The following SPATA17 variants were observed in gnomAD, a reference collection of about 807,000 sequenced individuals.
The protein encoded by SPATA17 is spermatogenesis associated 17, also known as spermatogenesis-associated protein 17.
A neutral mutation model predicts 62.2 loss-of-function variants in SPATA17; 53 were observed. That is an observed-to-expected ratio of 0.85 (90% CI 0.68 to 1.07). The LOEUF (loss-of-function observed/expected upper bound fraction) is 1.07. Among genes scored for constraint, SPATA17 ranks in the 50% least tolerant of loss-of-function variants. The pLI, the probability that SPATA17 is intolerant of heterozygous loss-of-function variation, is 0.00. For synonymous variants in SPATA17, 146 were observed against 146.8 expected (o/e 0.99, Z 0.04); for missense variants, 466 against 425.5 (o/e 1.10, Z -0.84).
chr1:217,743,908 C>A (rs1289486199), intron 6 of SPATA17, among the ~76,000 whole-genome samples: 1 of 151,906 alleles, frequency 6.6e-6, no homozygotes, highest in African/African-American at 2.4e-5. Flanking sequence ...CATGCCTGGC[C>A]TAAAATAGTG....
intron 4 of SPATA17, among the ~76,000 whole-genome samples, chr1:217,678,488 A>T (rs1571725180): frequency 6.6e-6 from 1 of 152,180 alleles, no homozygotes; most frequent in Non-Finnish European, 1.5e-5. Flanking sequence ...GATTACAGGC[A>T]TGAGCCACCG....
chr1:217,663,338 G>A (rs995337271), intron 3 of SPATA17, among the ~76,000 whole-genome samples: 12 of 151,754 alleles, frequency 7.9e-5, no homozygotes, highest in Admixed American at 5.9e-4. Flanking sequence ...CCAGCCACTC[G>A]GGAGGCTGAG....
At chr1:217,816,363 A>G (rs1228562579) in intron 9 of SPATA17, among the ~76,000 whole-genome samples, 4 of 151,652 alleles carry the variant, frequency 2.6e-5, no homozygotes, top group Admixed American at 2.0e-4. Flanking sequence ...AAAGACTATT[A>G]CCTTAATGTG....
chr1:217,828,284 G>T (rs973923634), intron 9 of SPATA17, among the ~76,000 whole-genome samples: 1 of 151,770 alleles, frequency 6.6e-6, no homozygotes, highest in Non-Finnish European at 1.5e-5. Flanking sequence ...AACATATGTG[G>T]TCAACTAATT....
chr1:217,759,973 CG>C (rs1196327500), intron 6 of SPATA17, among the ~76,000 whole-genome samples: 2 of 151,726 alleles, frequency 1.3e-5, no homozygotes, highest in African/African-American at 4.8e-5. Context: ...ATTATGTATT[CG>C]AAAGTACAAA....
intron 4 of SPATA17, among the ~76,000 whole-genome samples, chr1:217,677,681 A>G (rs1298696515): frequency 6.6e-6 from 1 of 152,090 alleles, no homozygotes; most frequent in East Asian, 1.9e-4. Flanking sequence ...TTCCATCCCC[A>G]TGTAAAAGTA....
chr1:217,652,535 A>G (rs1670342952), intron 3 of SPATA17, among the ~76,000 whole-genome samples: 1 of 152,074 alleles, frequency 6.6e-6, no homozygotes, highest in African/African-American at 2.4e-5. Context: ...CGCCCGGCCA[A>G]ACTTTTTTTT....
intron 10 of SPATA17, among the ~76,000 whole-genome samples, chr1:217,864,486 TA>T (rs1675966544): frequency 6.6e-6 from 1 of 152,260 alleles, no homozygotes; most frequent in East Asian, 1.9e-4. Context: ...AATATATACA[TA>T]TGTATGTGTG....
At chr1:217,780,360 A>G (rs1673702864) in intron 7 of SPATA17, among the ~76,000 whole-genome samples, 1 of 152,128 alleles carries the variant, frequency 6.6e-6, no homozygotes, top group Non-Finnish European at 1.5e-5. Context: ...AGGCATTGCA[A>G]AGACATAGGG....
chr1:217,697,750 AAT>A (rs1176340284), intron 5 of SPATA17, among the ~76,000 whole-genome samples: 1 of 152,148 alleles, frequency 6.6e-6, no homozygotes, highest in Non-Finnish European at 1.5e-5. Flanking sequence ...AAATCTTTAA[AAT>A]ATGTTTTATC....
At chr1:217,667,289 C>T (rs1215782761) in intron 3 of SPATA17, among the ~76,000 whole-genome samples, 7 of 151,840 alleles carry the variant, frequency 4.6e-5, no homozygotes, top group South Asian at 2.1e-4. Flanking sequence ...CCTCGTGAGT[C>T]GCCTGCCTCG....
intron 6 of SPATA17, among the ~76,000 whole-genome samples, chr1:217,769,472 A>T (rs775162957): frequency 5.3e-5 from 8 of 152,250 alleles, no homozygotes; most frequent in Non-Finnish European, 1.0e-4. Context: ...TAGAATAAGC[A>T]TATAAACAAC....
intron 1 of SPATA17, 82 bp downstream of exon 1, chr1:217,631,528 G>T (rs1338832920): frequency 2.9e-6 from 4 of 1,389,936 alleles, no homozygotes; most frequent in African/African-American, 2.8e-5. Context: ...TCCAATTAAC[G>T]ATTTAACGAT....
At chr1:217,703,122 G>A (rs923319747) in intron 5 of SPATA17, among the ~76,000 whole-genome samples, 3 of 148,572 alleles carry the variant, frequency 2.0e-5, no homozygotes, top group African/African-American at 5.0e-5. Flanking sequence ...TGATACACCC[G>A]CCTCAGCCTC....
intron 5 of SPATA17, among the ~76,000 whole-genome samples, chr1:217,738,812 C>T (rs1279075554): frequency 6.6e-6 from 1 of 152,128 alleles, no homozygotes; most frequent in African/African-American, 2.4e-5. Flanking sequence ...ATTAGCTGGG[C>T]GTGGTGGCAT....
chr1:217,663,112 C>T (rs1369350041), intron 3 of SPATA17, among the ~76,000 whole-genome samples: 4 of 152,008 alleles, frequency 2.6e-5, no homozygotes, highest in Admixed American at 2.6e-4. Flanking sequence ...ATATAATTGG[C>T]TTTTAATTCT....
At chr1:217,764,195 A>G (rs1257130908) in intron 6 of SPATA17, among the ~76,000 whole-genome samples, 3 of 152,138 alleles carry the variant, frequency 2.0e-5, no homozygotes, top group African/African-American at 4.8e-5. Flanking sequence ...ATAGTATCAT[A>G]CAGAGTAGTT....
rs527894473 is a variant in SPATA17 at position 217,835,316 on chromosome 1, T to C, written c.1006-27458T>C. ...ACAGCTGAAAGTTAGTGAATCCATG[T>C]ATCATTTTAGGGACCTTGAAGCTGG... On this transcript the variant is annotated intron_variant, in intron 9 of 10. Coordinates refer to ENST00000366933, the MANE Select transcript of SPATA17 (RefSeq NM_138796.4). Among the ~76,000 whole-genome samples, 4 of 152,326 alleles carry C rather than the reference T, an allele frequency of 2.6e-5. No individual in the cohort carries two copies. The South Asian group carries it at 6.2e-4, about 24-fold the overall frequency.
chr1:217,773,104 G>A (rs979073291), intron 6 of SPATA17, among the ~76,000 whole-genome samples: 1 of 152,146 alleles, frequency 6.6e-6, no homozygotes, highest in Admixed American at 6.6e-5. Context: ...GTTGACTCCA[G>A]CCTGGGTAGG....
Sources: allele counts gnomAD v4.1 joint callset (sites outside exome capture counted in the v4.1 genomes callset), GRCh38; gene constraint gnomAD v4.1.1; transcripts MANE v1.5; gene names NCBI Gene and HGNC (gene_info 2026-07-23, HGNC 2026-07-21).